Variants in SLC9B1 observed in about 807,000 individuals in gnomAD.
SLC9B1 encodes sodium/hydrogen exchanger 9B1.
SLC9B1 carries 32 observed loss-of-function variants against 51.7 expected under a neutral mutation model. The observed-to-expected ratio is 0.62, with a 90% CI of 0.47 to 0.83. SLC9B1 has a LOEUF of 0.83. Among genes scored for constraint, SLC9B1 ranks in the 40% least tolerant of loss-of-function variants. The probability of loss-of-function intolerance (pLI) is 0.00; values close to 1 mark genes in which losing one functional copy is unlikely to be tolerated. For missense variants in SLC9B1, 406 were observed against 613.2 expected (o/e 0.66, Z 3.57); for synonymous variants, 145 against 212.7 (o/e 0.68, Z 2.77).
chr4:102,967,713 A>G (rs1738505743), intron 3 of SLC9B1, among the ~76,000 whole-genome samples: 1 of 152,150 alleles, frequency 6.6e-6, no homozygotes, highest in Non-Finnish European at 1.5e-5. Context: ...AGCTCCCAAG[A>G]CCCAAACACT....
chr4:102,901,616 A>G (rs1016184391), intron 11 of SLC9B1, among the ~76,000 whole-genome samples: 2 of 152,198 alleles, frequency 1.3e-5, no homozygotes, highest in African/African-American at 4.8e-5. Context: ...TTGAGTGTTC[A>G]TGTTGCCCTC....
At chr4:103,018,740 G>T (rs1260123100) in intron 1 of SLC9B1, among the ~76,000 whole-genome samples, 3 of 152,178 alleles carry the variant, frequency 2.0e-5, no homozygotes, top group Non-Finnish European at 4.4e-5. Flanking sequence ...GACACAGTAT[G>T]TGTGCAACTT....
At chr4:102,919,069 C>A (rs762904071) in intron 7 of SLC9B1, among the ~76,000 whole-genome samples, 11 of 152,158 alleles carry the variant, frequency 7.2e-5, no homozygotes, top group Non-Finnish European at 1.2e-4. Flanking sequence ...CTGGGCCTGG[C>A]CCACAAAACC....
At chr4:102,945,017 A>G (rs1205511768) in intron 6 of SLC9B1, among the ~76,000 whole-genome samples, 176 bp downstream of exon 6, 1 of 152,190 alleles carries the variant, frequency 6.6e-6, no homozygotes, top group African/African-American at 2.4e-5. Context: ...GTTTGTTAAA[A>G]AAATTTCGTA....
At chr4:102,964,195 T>C (rs1426062446) in intron 3 of SLC9B1, among the ~76,000 whole-genome samples, 1 of 151,364 alleles carries the variant, frequency 6.6e-6, no homozygotes, top group Non-Finnish European at 1.5e-5. Context: ...TTCGACAACT[T>C]AGATAAAATA....
chr4:103,016,909 C>A (rs1741394021), intron 1 of SLC9B1: 2 of 152,252 alleles, frequency 1.3e-5, no homozygotes, highest in African/African-American at 4.8e-5. Context: ...TTTCCATATG[C>A]TGGTGACTCC....
In SLC9B1 at chr4:102,913,796, TAA is replaced by T. The variant is rs61244946; in HGVS notation, c.830-2261_830-2260del. Among the ~76,000 whole-genome samples the T allele has an allele frequency of 2.3e-3, 163 of 71,444 alleles. No individual in the cohort carries two copies. In the South Asian group the frequency reaches 0.024, roughly 11 times the overall value. The allele number at this position is 71,444 out of a possible 152,430, so 46.9% of individuals were successfully genotyped here. On this transcript the variant is annotated intron_variant, in intron 7 of 11. Transcript: ENST00000296422. The stretch of plus-strand genomic sequence containing the variant: ...AAAATATTAACAAAGAGATAGAAAC[TAA>T]AAAAAAAAAAAAAAAAAAAGGAACC...
At chr4:102,974,246 A>AATT (rs1275187130) in intron 3 of SLC9B1, among the ~76,000 whole-genome samples, 3 of 139,270 alleles carry the variant, frequency 2.2e-5, no homozygotes, top group African/African-American at 5.9e-5. Flanking sequence ...AAAATTGAAA[A>AATT]AAAAAAAAAA....
At chr4:102,961,220 T>A (rs1215045129) in intron 3 of SLC9B1, among the ~76,000 whole-genome samples, 1 of 152,348 alleles carries the variant, frequency 6.6e-6, no homozygotes, top group South Asian at 2.1e-4. Flanking sequence ...GAATTTTGCG[T>A]ACAAGGAGTC....
intron 3 of SLC9B1, among the ~76,000 whole-genome samples, chr4:102,965,784 T>C (rs145956514): frequency 6.8e-6 from 1 of 147,828 alleles, no homozygotes; most frequent in Admixed American, 6.7e-5. Flanking sequence ...TGTAAAATAA[T>C]AAAAAAAAAA....
At chr4:102,911,736 T>G (rs1418151531) in intron 7 of SLC9B1, among the ~76,000 whole-genome samples, 199 bp from the exon 8 acceptor site, 1 of 152,080 alleles carries the variant, frequency 6.6e-6, no homozygotes, top group African/African-American at 2.4e-5. Context: ...CTCAAATAAT[T>G]TAATATATAC....
At chr4:102,976,501 GTCA>G (rs1739077344) in intron 3 of SLC9B1, among the ~76,000 whole-genome samples, 2 of 152,144 alleles carry the variant, frequency 1.3e-5, no homozygotes, top group South Asian at 4.1e-4. Context: ...ATAGGTCCCA[GTCA>G]TAAAGAGCTA....
chr4:102,996,780 T>C (rs1339336224), intron 1 of SLC9B1, among the ~76,000 whole-genome samples: 1 of 152,044 alleles, frequency 6.6e-6, no homozygotes, highest in Non-Finnish European at 1.5e-5. Context: ...GCTAACATTA[T>C]GCTAGTGCTT....
intron 1 of SLC9B1, among the ~76,000 whole-genome samples, chr4:102,997,601 CAAATAT>C: frequency 6.6e-6 from 1 of 152,086 alleles, no homozygotes; most frequent in Non-Finnish European, 1.5e-5. Flanking sequence ...ACACAGTCAG[CAAATAT>C]AAGTTTTATT....
intron 11 of SLC9B1, chr4:102,892,298 T>C (rs1228359710): frequency 1.3e-5 from 2 of 152,204 alleles, no homozygotes; most frequent in Non-Finnish European, 2.9e-5. Context: ...ACTCAAGTGA[T>C]CCTCCCTGCC....
intron 3 of SLC9B1, among the ~76,000 whole-genome samples, chr4:102,982,693 T>C (rs1175153149): frequency 6.6e-6 from 1 of 152,168 alleles, no homozygotes; most frequent in African/African-American, 2.4e-5. Flanking sequence ...ATTTGTTCAC[T>C]GTGGCACATA....
rs1197166005 is a variant in SLC9B1 at position 102,975,586 on chromosome 4, A to ATTTTTTTTTTTTTT, written c.211+14200_211+14213dup. 4.0e-4 allele frequency among the ~76,000 whole-genome samples: 25 copies of ATTTTTTTTTTTTTT among 62,308 alleles called. 1 individual carries two copies. The highest frequency in any genetic ancestry group is 7.2e-4 in the South Asian group (1 of 1,392). 40.9% of individuals were successfully genotyped at this position (62,308 alleles called of 152,430 possible). A position where few individuals can be genotyped will look rare whatever the true frequency, so the allele number is the denominator to read the frequency against. On this transcript the variant is annotated intron_variant, in intron 3 of 11. Transcript: ENST00000296422. ...TATACATATATATATATATATATATATTTTTTTTTTTTTTTTTTTTTTTGA... is the reference window on the plus strand; with the variant it reads ...TATACATATATATATATATATATATATTTTTTTTTTTTTTTTTTTTTTTTTTTTTTTTTTTTTGA...
chr4:102,915,103 G>GA (rs57204156), intron 7 of SLC9B1, among the ~76,000 whole-genome samples: 57 of 144,698 alleles, frequency 3.9e-4, no homozygotes, highest in East Asian at 6.1e-4. Flanking sequence ...AGGGCTGAAA[G>GA]AAAAAAAAAA....
chr4:103,004,720 G>A (rs1389141375), intron 1 of SLC9B1, among the ~76,000 whole-genome samples: 1 of 152,178 alleles, frequency 6.6e-6, no homozygotes. Flanking sequence ...AACCCCATTA[G>A]GCTAAGAGTG....
Sources: gnomAD v4.1 joint callset for allele counts (sites outside exome capture counted in the v4.1 genomes callset) on GRCh38, gnomAD v4.1.1 for gene constraint, MANE v1.5 for transcripts, NCBI Gene and HGNC (gene_info 2026-07-23, HGNC 2026-07-21) for gene names.